The following DAB1 variants were observed in gnomAD, a reference collection of about 807,000 sequenced individuals.
DAB1 encodes the protein disabled homolog 1.
In DAB1, 15 loss-of-function variants were observed where a neutral mutation model predicts 64.6. That is an observed-to-expected ratio of 0.23 (90% CI 0.16 to 0.36). DAB1 has a LOEUF of 0.36. Ranked by LOEUF, DAB1 falls within the 10% of genes least tolerant of loss-of-function variation. DAB1 has a pLI of 1.00. For missense variants in DAB1, 596 were observed against 706.7 expected, an observed-to-expected ratio of 0.84 and a Z score of 1.78; for synonymous variants, 235 against 251.9, an observed-to-expected ratio of 0.93 and a Z score of 0.64.
intron 4 of DAB1, among the ~76,000 whole-genome samples, chr1:57,076,588 G>A (rs1652012977): frequency 6.6e-6 from 1 of 152,142 alleles, no homozygotes; most frequent in Admixed American, 6.5e-5. Flanking sequence ...AATAATCTGA[G>A]GAGCTCATTA....
chr1:57,386,365 G>GAA (rs1681839337), intron 1 of DAB1, among the ~76,000 whole-genome samples: 1 of 63,096 alleles, frequency 1.6e-5, no homozygotes, highest in Non-Finnish European at 3.0e-5. Flanking sequence ...AGGCCCCTTG[G>GAA]GAAAAAAAAA....
chr1:58,005,646 A>C (rs1646571614), intron 5 of DAB1, among the ~76,000 whole-genome samples: 1 of 151,608 alleles, frequency 6.6e-6, no homozygotes, highest in Non-Finnish European at 1.5e-5. Flanking sequence ...TCAAGATGCA[A>C]GACTAGATAA....
chr1:57,436,015 C>T (rs1414589888), intron 7 of DAB1, among the ~76,000 whole-genome samples: 1 of 148,436 alleles, frequency 6.7e-6, no homozygotes, highest in Non-Finnish European at 1.5e-5. Flanking sequence ...CTCCCGGGTT[C>T]AAGCAATTCT....
chr1:58,390,774 G>A (rs889512029), intron 3 of DAB1, among the ~76,000 whole-genome samples: 1 of 152,144 alleles, frequency 6.6e-6, no homozygotes, highest in Non-Finnish European at 1.5e-5. Flanking sequence ...GCTTTCTATT[G>A]TTCCTACTTT....
At chr1:58,079,241 A>T (rs1275604930) in intron 5 of DAB1, among the ~76,000 whole-genome samples, 1 of 152,150 alleles carries the variant, frequency 6.6e-6, no homozygotes, top group African/African-American at 2.4e-5. Context: ...CTCCCCTCAG[A>T]CATCACATCA....
chr1:58,285,984 C>T (rs1378137791), intron 4 of DAB1, among the ~76,000 whole-genome samples: 3 of 152,102 alleles, frequency 2.0e-5, no homozygotes, highest in Non-Finnish European at 4.4e-5. Context: ...ACCAATGGAA[C>T]AGAACAGAGA....
At chr1:58,192,733 T>C (rs916942057) in intron 4 of DAB1, among the ~76,000 whole-genome samples, 4 of 152,224 alleles carry the variant, frequency 2.6e-5, no homozygotes, top group Non-Finnish European at 4.4e-5. Flanking sequence ...TTTGATTCCA[T>C]ATTTTTGCTA....
At chr1:58,161,214 T>G (rs1655518501) in intron 4 of DAB1, among the ~76,000 whole-genome samples, 1 of 152,230 alleles carries the variant, frequency 6.6e-6, no homozygotes, top group Non-Finnish European at 1.5e-5. Flanking sequence ...TAATTGGCAC[T>G]GTGATAAACA....
At chr1:58,423,951 T>C (rs1644796978) in intron 3 of DAB1, among the ~76,000 whole-genome samples, 1 of 152,216 alleles carries the variant, frequency 6.6e-6, no homozygotes, top group African/African-American at 2.4e-5. Flanking sequence ...GGAAAGGATC[T>C]AAGAGAGAGC....
chr1:58,111,663 A>T (rs1340118665), intron 5 of DAB1, among the ~76,000 whole-genome samples: 1 of 152,080 alleles, frequency 6.6e-6, no homozygotes, highest in African/African-American at 2.4e-5. Context: ...CTGTTCTCAT[A>T]TCACTGCGCC....
At chr1:58,177,344 T>C (rs1169681954) in intron 4 of DAB1, among the ~76,000 whole-genome samples, 2 of 152,188 alleles carry the variant, frequency 1.3e-5, no homozygotes, top group Non-Finnish European at 2.9e-5. Context: ...TCTCATATAT[T>C]TGTTAAATGA....
chr1:58,093,092 T>C (rs1650767846), intron 5 of DAB1, among the ~76,000 whole-genome samples: 1 of 152,194 alleles, frequency 6.6e-6, no homozygotes, highest in African/African-American at 2.4e-5. Flanking sequence ...TCTCCCATTT[T>C]GCTGGGAGCG....
In DAB1 at chr1:57,182,033, A is replaced by C. The variant is rs189378375; in HGVS notation, c.68-36604T>G. 3.4e-4 allele frequency among the ~76,000 whole-genome samples: 52 copies of C among 152,180 alleles called. 1 individual carries two copies. In the East Asian group the frequency reaches 7.6e-3, roughly 22 times the overall value. ...CCCGAGTAGCTGGGACTACAGGTGC[A>C]TGCCACCACGCCCAGCTGATTTTTT... On this transcript the variant is annotated intron_variant, in intron 2 of 14. Transcript: ENST00000371236.
intron 5 of DAB1, among the ~76,000 whole-genome samples, chr1:58,008,167 AT>A (rs1351473452): frequency 6.6e-6 from 1 of 152,172 alleles, no homozygotes; most frequent in Non-Finnish European, 1.5e-5. Context: ...TAGATAAGAA[AT>A]CTGAAGTTCA....
chr1:58,222,018 A>G (rs913165608), intron 4 of DAB1, among the ~76,000 whole-genome samples: 5 of 152,232 alleles, frequency 3.3e-5, no homozygotes, highest in African/African-American at 1.2e-4. Flanking sequence ...TCTGGAAACC[A>G]AGTATTTAAT....
At chr1:58,542,599 T>A (rs1646639336) in intron 1 of DAB1, 1 of 152,208 alleles carries the variant, frequency 6.6e-6, no homozygotes, top group African/African-American at 2.4e-5. Flanking sequence ...AAGAACTGTT[T>A]TAAATGGGAA....
intron 3 of DAB1, among the ~76,000 whole-genome samples, chr1:58,434,554 T>G (rs959435662): frequency 2.0e-5 from 3 of 152,176 alleles, no homozygotes; most frequent in African/African-American, 7.2e-5. Context: ...CTTGTTGAGT[T>G]AAGGATATCT....
intron 4 of DAB1, among the ~76,000 whole-genome samples, chr1:58,300,544 A>AAAAGAAAGAAAGAAAGAAAGAAAG (rs71043285): frequency 2.0e-5 from 2 of 101,084 alleles, no homozygotes; most frequent in African/African-American, 8.5e-5. Flanking sequence ...TGAAACTCTG[A>AAAAGAAAGAAAGAAAGAAAGAAAG]AAAGAAAGAA....
At chr1:57,448,937 C>G (rs188511045) in intron 7 of DAB1, among the ~76,000 whole-genome samples, 2 of 152,100 alleles carry the variant, frequency 1.3e-5, no homozygotes, top group Admixed American at 1.3e-4. Context: ...CAAATCTAAC[C>G]CCAAGGCTCA....
Sources: allele counts gnomAD v4.1 joint callset (sites outside exome capture counted in the v4.1 genomes callset), GRCh38; gene constraint gnomAD v4.1.1; transcripts MANE v1.5; gene names NCBI Gene and HGNC (gene_info 2026-07-23, HGNC 2026-07-21).